Variants in SBF2 observed in about 807,000 individuals in gnomAD.
SBF2 encodes SET binding factor 2.
In SBF2, 112 loss-of-function variants were observed where a neutral mutation model predicts 225.2. The ratio of observed to expected loss-of-function variants is 0.50; its 90% confidence interval spans 0.43 to 0.58. The LOEUF is 0.58. SBF2 is among the 20% of genes least tolerant of loss of function. The pLI is 0.00. For synonymous variants in SBF2, 763 were observed against 773.3 expected (o/e 0.99, Z 0.22); for missense variants, 1,996 against 2,206.2 (o/e 0.90, Z 1.91).
At chr11:9,858,137 C>T in intron 18 of SBF2, 89 bp downstream of exon 18, 2 of 1,446,012 alleles carry the variant, frequency 1.4e-6, no homozygotes, top group South Asian at 1.1e-5. Flanking sequence ...CAGGAAGTAG[C>T]TAGAGTTTTT....
intron 2 of SBF2, among the ~76,000 whole-genome samples, chr11:10,160,733 C>A (rs1293957569): frequency 6.6e-6 from 1 of 152,148 alleles, no homozygotes; most frequent in African/African-American, 2.4e-5. Context: ...TTATGTGGTT[C>A]ATACACCTCC....
chr11:9,959,360 G>A (rs1241439273), intron 16 of SBF2: 3 of 784,846 alleles, frequency 3.8e-6, no homozygotes, highest in Admixed American at 1.7e-5. Flanking sequence ...TCCACTGGAA[G>A]GCCAACCAAA....
At chr11:10,287,873 G>A (rs769659485) in intron 1 of SBF2, among the ~76,000 whole-genome samples, 15 of 152,204 alleles carry the variant, frequency 9.9e-5, no homozygotes, top group Non-Finnish European at 2.1e-4. Context: ...GGAGTCAGGC[G>A]TGGAGTGGTG....
At chr11:9,828,509 T>C in intron 28 of SBF2, 1 of 985,478 alleles carries the variant, frequency 1.0e-6, no homozygotes, top group South Asian at 4.7e-5. Flanking sequence ...ACTTTCTGCT[T>C]ATGTTGAGCT....
chr11:9,939,233 T>C (rs959017473), intron 16 of SBF2, among the ~76,000 whole-genome samples: 3 of 152,060 alleles, frequency 2.0e-5, no homozygotes, highest in South Asian at 2.1e-4. Flanking sequence ...GTAGCTGGGA[T>C]TACAGGCACC....
rs1156820579 is a variant in SBF2 at position 10,021,457 on chromosome 11, A to G, written c.619+6995T>C. Among the ~76,000 whole-genome samples the G allele has an allele frequency of 2.0e-5, 3 of 152,004 alleles. No homozygotes were observed. The East Asian group carries it at 5.8e-4, about 29-fold the overall frequency. On this transcript the variant is annotated intron_variant, in intron 6 of 39. Transcript: ENST00000256190. ...AGGCTGCCAAAAAAACAAAAAAAAC[A>G]AAAAAACCAAAAACCAAATAAACAC...
chr11:10,031,838 G>T (rs932578449), intron 3 of SBF2, among the ~76,000 whole-genome samples: 1 of 152,180 alleles, frequency 6.6e-6, no homozygotes, highest in Non-Finnish European at 1.5e-5. Flanking sequence ...AACTTTCTGG[G>T]CGTTAGGGAT....
intron 16 of SBF2, chr11:9,956,474 A>C (rs1866172571): frequency 6.6e-6 from 1 of 152,098 alleles, no homozygotes. Flanking sequence ...GTGAGTGTAA[A>C]AGGCTCTGCT....
chr11:10,095,977 A>C (rs1039195659), intron 2 of SBF2, among the ~76,000 whole-genome samples: 38 of 152,144 alleles, frequency 2.5e-4, no homozygotes, highest in African/African-American at 9.2e-4. Flanking sequence ...TAGTTACTTT[A>C]ACTAAGTGAC....
chr11:10,001,076 C>A, intron 7 of SBF2, 54 bp from the exon 8 acceptor site: 1 of 879,754 alleles, frequency 1.1e-6, no homozygotes, highest in South Asian at 1.4e-5. Context: ...ATAAACATAT[C>A]TTCTTTCATC....
At chr11:10,125,944 G>A (rs1031178673) in intron 2 of SBF2, among the ~76,000 whole-genome samples, 5 of 152,170 alleles carry the variant, frequency 3.3e-5, no homozygotes, top group Admixed American at 6.5e-5. Context: ...CGGATTTAGG[G>A]GAAGGATACC....
chr11:10,238,873 A>G (rs900559555), intron 1 of SBF2, among the ~76,000 whole-genome samples: 4 of 150,984 alleles, frequency 2.6e-5, no homozygotes, highest in African/African-American at 4.8e-5. Flanking sequence ...AGATTGCCCC[A>G]CTGCACTCTA....
At chr11:10,223,399 T>TTTTATA (rs1279386744) in intron 1 of SBF2, among the ~76,000 whole-genome samples, 107 of 59,228 alleles carry the variant, frequency 1.8e-3, no homozygotes, top group Non-Finnish European at 2.9e-3. Context: ...ATTTTGCACA[T>TTTTATA]TATATATATA....
rs185347586 is a variant in SBF2 at position 10,189,010 on chromosome 11, G to C, written c.141+4892C>G. ...CCACACACGGTTTATACCAAGCTTT[G>C]GACCATCTTTAAAACTGTGTATTTT... is the stretch of plus-strand genomic sequence containing the variant. On this transcript the variant is annotated intron_variant, in intron 2 of 39. Coordinates refer to ENST00000256190, the MANE Select transcript of SBF2 (RefSeq NM_030962.4). Among the ~76,000 whole-genome samples, 100 of 152,228 alleles carry C rather than the reference G, an allele frequency of 6.6e-4. 1 individual carries two copies. The highest frequency in any genetic ancestry group is 2.3e-3 in the African/African-American group (96 of 41,544).
chr11:9,867,906 C>A (rs1053694969), intron 17 of SBF2, among the ~76,000 whole-genome samples: 2 of 152,070 alleles, frequency 1.3e-5, no homozygotes, highest in African/African-American at 4.8e-5. Context: ...TAAATGGGTA[C>A]AGAAATACAT....
intron 6 of SBF2, among the ~76,000 whole-genome samples, chr11:10,013,847 T>G (rs2134565910): frequency 6.6e-6 from 1 of 152,324 alleles, no homozygotes; most frequent in South Asian, 2.1e-4. Context: ...CACTTGGCAT[T>G]CTACATAGCA....
chr11:9,828,172 C>T, intron 28 of SBF2: 1 of 1,289,708 alleles, frequency 7.8e-7, no homozygotes, highest in Non-Finnish European at 1.0e-6. Flanking sequence ...AATGTCCTGG[C>T]ACTACCTGCT....
At chr11:10,181,191 C>T (rs1284037277) in intron 2 of SBF2, among the ~76,000 whole-genome samples, 1 of 151,988 alleles carries the variant, frequency 6.6e-6, no homozygotes, top group Admixed American at 6.6e-5. Flanking sequence ...TCAGCTTTCT[C>T]ATATAATACT....
Position 9,884,439 on chromosome 11 carries a change from A to G in SBF2, c.1929+11504T>C, listed in dbSNP as rs117395158. Among the ~76,000 whole-genome samples the G allele has an allele frequency of 6.9e-3, 1,057 of 152,344 alleles. 9 individuals carry two copies. The highest frequency in any genetic ancestry group is 0.02 in the Middle Eastern group (6 of 294). On this transcript the variant is annotated intron_variant, in intron 17 of 39. Coordinates refer to ENST00000256190, the MANE Select transcript of SBF2 (RefSeq NM_030962.4). Reference sequence around the variant, plus strand: ...ATGAAATCTTACATATAAGTTCAATATATGTAAAAGAAACAAAAGGAAAGC... The same window carrying G: ...ATGAAATCTTACATATAAGTTCAATGTATGTAAAAGAAACAAAAGGAAAGC...
Sources: allele counts gnomAD v4.1 joint callset (sites outside exome capture counted in the v4.1 genomes callset), GRCh38; gene constraint gnomAD v4.1.1; transcripts MANE v1.5; gene names NCBI Gene and HGNC (gene_info 2026-07-23, HGNC 2026-07-21).